Variants in VCP observed in about 807,000 individuals in gnomAD.
The protein encoded by VCP is transitional endoplasmic reticulum ATPase.
Under a neutral mutation model 85.7 loss-of-function variants are expected in VCP, and 6 were observed. The ratio of observed to expected loss-of-function variants is 0.07; its 90% confidence interval spans 0.04 to 0.14. The LOEUF is 0.14. Ranked by LOEUF, VCP falls within the 10% of genes least tolerant of loss-of-function variation. The pLI is 1.00. For synonymous variants in VCP, 384 were observed against 367.1 expected, an observed-to-expected ratio of 1.05 and a Z score of -0.53; for missense variants, 353 against 1,043.4, an observed-to-expected ratio of 0.34 and a Z score of 9.12.
At position 35,059,364 on chromosome 9, in the gene VCP, C is replaced by A; in HGVS notation, c.2004+129G>T. On this transcript the variant is annotated intron_variant, in intron 14 of 16. Transcript: ENST00000358901. This position sits in a 1 kb window ranked among gnomAD's most constrained non-coding sequence, Gnocchi z 4.9. ...TCCTGATTCTAGATTATCTTGATAT[C>A]CTCAAAAATTCTACCTTCCCTTTAG... The A allele has an allele frequency of 1.3e-6, 2 of 1,526,194 alleles. No homozygotes were observed. The highest frequency in any genetic ancestry group is 1.2e-5 in the South Asian group (1 of 84,350). The allele number at this position is 1,526,194 out of a possible 1,614,324, so 94.5% of individuals were successfully genotyped here. A position where few individuals can be genotyped will look rare whatever the true frequency, so the allele number is the denominator to read the frequency against.
chr9:35,058,998 G>A, intron 15 of VCP, 66 bp downstream of exon 15: 1 of 1,602,220 alleles, frequency 6.2e-7, no homozygotes, highest in Non-Finnish European at 8.5e-7. Flanking sequence ...TCAACTCCAG[G>A]GCATGGTGGT....
At chr9:35,061,869 C>T in intron 9 of VCP, 134 bp downstream of exon 9, 4 of 1,536,892 alleles carry the variant, frequency 2.6e-6, no homozygotes, top group Non-Finnish European at 2.7e-6. Flanking sequence ...TCACTCTAGA[C>T]AGGACGTAGG....
intron 1 of VCP, among the ~76,000 whole-genome samples, chr9:35,069,437 C>A (rs1828895221): frequency 6.7e-6 from 1 of 149,626 alleles, no homozygotes; most frequent in Admixed American, 6.7e-5. Context: ...CAGCAAGCTC[C>A]CTCTCCCTTT....
At chr9:35,069,269 A>T (rs1828892188) in intron 1 of VCP, among the ~76,000 whole-genome samples, 1 of 152,176 alleles carries the variant, frequency 6.6e-6, no homozygotes, top group South Asian at 2.1e-4. Context: ...AATCAAAACC[A>T]AGAAATGCTG....
chr9:35,065,497 T>C (rs934353339), intron 4 of VCP, 116 bp from the exon 5 acceptor site: 16 of 1,407,094 alleles, frequency 1.1e-5, no homozygotes, highest in Non-Finnish European at 1.6e-5. Flanking sequence ...CTTCATTAGA[T>C]ATTGCCCTAC....
intron 11 of VCP, 43 bp from the exon 12 acceptor site, chr9:35,060,966 G>A (rs1828710401): frequency 6.2e-7 from 1 of 1,614,066 alleles, no homozygotes. Flanking sequence ...TATCAAGGGA[G>A]GGGTCAAAGC....
At chr9:35,068,110 G>A in intron 2 of VCP, 47 bp from the exon 3 acceptor site, 2 of 1,612,812 alleles carry the variant, frequency 1.2e-6, no homozygotes, top group East Asian at 2.2e-5. Context: ...CTGACGGGGA[G>A]TAAGCAGCAG....
intron 1 of VCP, 192 bp downstream of exon 1, chr9:35,072,145 C>A (rs2131046917): frequency 1.4e-6 from 2 of 1,391,418 alleles, no homozygotes; most frequent in Non-Finnish European, 1.9e-6. Flanking sequence ...GCCTAGGGGG[C>A]GCGCGGGTGC....
intron 1 of VCP, chr9:35,071,925 G>A: frequency 9.8e-7 from 1 of 1,021,444 alleles, no homozygotes; most frequent in Non-Finnish European, 1.2e-6. Context: ...CGCGGGGCCT[G>A]CTCTCTCCGG....
In VCP at chr9:35,057,078, T is replaced by C; in HGVS notation, c.*39A>G. 6.2e-7 allele frequency: 1 copy of C among 1,608,448 alleles called. No individual in the cohort carries two copies. Among genetic ancestry groups the C allele is most frequent in the Non-Finnish European group, 8.5e-7 (1 of 1,175,800 alleles). On this transcript the variant is annotated 3_prime_UTR_variant, in exon 17 of 17. Coordinates refer to ENST00000358901, the MANE Select transcript of VCP (RefSeq NM_007126.5). ...GCGCCCCCACCCCCAGGGAACAAGG[T>C]CCAGGCAGGCCAGCTCACTGCACGC...
In VCP at chr9:35,059,733, A is replaced by C. The variant is rs1587120459; in HGVS notation, c.1764T>G (p.Gly588=). 2 of 1,613,980 alleles carry C rather than the reference A, an allele frequency of 1.2e-6. No homozygotes were observed. Among genetic ancestry groups the C allele is most frequent in the Non-Finnish European group, 1.7e-6 (2 of 1,180,010 alleles). Reference sequence around the variant, plus strand: ...CAGCCCCACCACCATCTCCAATGTTACCTCCACGAGCCTTGGCAATCGAAT... The same window carrying C: ...CAGCCCCACCACCATCTCCAATGTTCCCTCCACGAGCCTTGGCAATCGAAT... ...ELDSIAKARG[G]NIGDGGGAAD... Residue 588 remains glycine, a synonymous_variant, in exon 14 of 17, where the codon GGT becomes GGG. Coordinates refer to ENST00000358901, the MANE Select transcript of VCP (RefSeq NM_007126.5). This position sits in a 1 kb window ranked among gnomAD's most constrained non-coding sequence, Gnocchi z 4.9.
chr9:35,072,568 T>TGGCAGTGGCAGTGGCAGC lies in VCP; in HGVS notation c.-216_-215insGCTGCCACTGCCACTGCC. 5.6e-6 allele frequency: 3 copies of TGGCAGTGGCAGTGGCAGC among 532,126 alleles called. No individual in the cohort carries two copies. In the South Asian group the frequency reaches 9.5e-5, roughly 17 times the overall value. 33.0% of individuals were successfully genotyped at this position (532,126 alleles called of 1,614,324 possible). A position where few individuals can be genotyped will look rare whatever the true frequency, so the allele number is the denominator to read the frequency against. ...CTGATCCGCGAGGTGGCAGTGGCAG[T>TGGCAGTGGCAGTGGCAGC]GGCAGCGGCAGCGGCAGCGACGACT... is the stretch of plus-strand genomic sequence containing the variant. On this transcript the variant is annotated 5_prime_UTR_variant, in exon 1 of 17. Coordinates refer to ENST00000358901, the MANE Select transcript of VCP (RefSeq NM_007126.5).
At position 35,060,758 on chromosome 9, in the gene VCP, A is replaced by C. The variant is rs746367183; in HGVS notation, c.1482+43T>G. The C allele has an allele frequency of 2.5e-6, 4 of 1,613,896 alleles. No homozygotes were observed. In the African/African-American group the frequency reaches 4.0e-5, roughly 16 times the overall value. On this transcript the variant is annotated intron_variant, in intron 12 of 16. Coordinates refer to ENST00000358901, the MANE Select transcript of VCP (RefSeq NM_007126.5). ...CCCTGAGATCACCCAGATCAATTAC[A>C]ATGTACTGAGACAGTGACTCACCCT...
chr9:35,057,284 A>G, intron 16 of VCP, 62 bp from the exon 17 acceptor site: 4 of 1,613,644 alleles, frequency 2.5e-6, no homozygotes, highest in Non-Finnish European at 3.4e-6. Context: ...GATTTCCACA[A>G]CTACCCCTCT....
At chr9:35,072,151 G>A in intron 1 of VCP, 186 bp downstream of exon 1, 1 of 1,399,684 alleles carries the variant, frequency 7.1e-7, no homozygotes, top group Non-Finnish European at 9.2e-7. Flanking sequence ...GGGGCGCGCG[G>A]GTGCGCAGCT....
At position 35,072,555 on chromosome 9, in the gene VCP, G is replaced by C. The variant is rs1828982024; in HGVS notation, c.-202C>G. 1.1e-5 allele frequency: 6 copies of C among 543,870 alleles called. No individual in the cohort carries two copies. Among genetic ancestry groups the C allele is most frequent in the Non-Finnish European group, 1.2e-5 (4 of 333,762 alleles). The allele number at this position is 543,870 out of a possible 1,614,324, so 33.7% of individuals were successfully genotyped here. A position where few individuals can be genotyped will look rare whatever the true frequency, so the allele number is the denominator to read the frequency against. On this transcript the variant is annotated 5_prime_UTR_variant, in exon 1 of 17. Coordinates refer to ENST00000358901, the MANE Select transcript of VCP (RefSeq NM_007126.5). ...ACAACGCTGGCTCCTGATCCGCGAG[G>C]TGGCAGTGGCAGTGGCAGCGGCAGC...
Position 35,067,976 on chromosome 9 carries a change from A to G in VCP, c.217T>C (p.Ser73Pro). Residue 73 changes from serine (S) to proline (P), a missense_variant, in exon 3 of 17, where the codon TCT becomes CCT. Ser to Pro is a moderately conservative substitution (Grantham distance 74). Coordinates refer to ENST00000358901, the MANE Select transcript of VCP (RefSeq NM_007126.5). ...KRREAVCIVLSDDTCSDEKIR... is the reference protein window; with the variant it reads ...KRREAVCIVLPDDTCSDEKIR... ...TTCTCATCAGAACAAGTATCATCAG[A>G]AAGGACGATGCAAACAGCTTCTCGT... The G allele has an allele frequency of 6.2e-7, 1 of 1,614,246 alleles. No homozygotes were observed. The highest frequency in any genetic ancestry group is 8.5e-7 in the Non-Finnish European group (1 of 1,180,050).
rs1018220313 is a variant in VCP, at chr9:35,064,178, G to A, written c.684C>T (p.Ala228=). The A allele has an allele frequency of 2.5e-6, 4 of 1,614,024 alleles. No homozygotes were observed. The African/African-American group carries it at 4.0e-5, about 16-fold the overall frequency. ...CCTTCACACCAATTGCCTTAAAGAG[G>A]GCAGGATGTCTCAGGGGCAGTTCCA... The part of the protein sequence containing the change: ...EMVELPLRHP[A]LFKAIGVKPP... Residue 228 remains alanine (A), a synonymous_variant, in exon 6 of 17, where the codon GCC becomes GCT. Coordinates refer to ENST00000358901, the MANE Select transcript of VCP (RefSeq NM_007126.5).
chr9:35,063,004 G>A lies in VCP; in HGVS notation c.785C>T (p.Thr262Ile). 6.2e-7 allele frequency: 1 copy of A among 1,614,080 alleles called. No homozygotes were observed. The highest frequency in any genetic ancestry group is 8.5e-7 in the Non-Finnish European group (1 of 1,180,018). ...ATTGATCAAGAAGAAGAAGGCTCCA[G>A]TCTCATTTGCTACAGCTCGAGCAAT... is the stretch of plus-strand genomic sequence containing the variant. ...TLIARAVANE[T>I]GAFFFLINGP... Residue 262 changes from threonine to isoleucine, a missense_variant, in exon 7 of 17, where the codon ACT becomes ATT. Coordinates refer to ENST00000358901, the MANE Select transcript of VCP (RefSeq NM_007126.5).
Sources: gnomAD v4.1 joint callset for allele counts (sites outside exome capture counted in the v4.1 genomes callset) on GRCh38, gnomAD v4.1.1 for gene constraint, Gnocchi (gnomAD v3.1) non-coding constraint, MANE v1.5 for transcripts, NCBI Gene and HGNC (gene_info 2026-07-23, HGNC 2026-07-21) for gene names.